ITIH4: variants seen among roughly 807,000 people sequenced by gnomAD.
ITIH4 encodes inter-alpha-trypsin inhibitor heavy chain 4, also known as inter-alpha-trypsin inhibitor heavy chain H4.
ITIH4 carries 79 observed loss-of-function variants against 111.8 expected under a neutral mutation model. The ratio of observed to expected loss-of-function variants is 0.71; its 90% CI spans 0.59 to 0.85. The LOEUF (loss-of-function observed/expected upper bound fraction) is 0.85, where lower values mean the gene tolerates loss of function less well. Ranked by LOEUF, ITIH4 falls within the 40% of genes least tolerant of loss-of-function variation. ITIH4 has a pLI of 0.00. For missense variants in ITIH4, 1,065 were observed against 1,195.8 expected, an observed-to-expected ratio of 0.89 and a Z score of 1.61; for synonymous variants, 472 against 468.3, an observed-to-expected ratio of 1.01 and a Z score of -0.10.
Position 52,824,458 on chromosome 3 carries a change from T to C in ITIH4, c.984A>G (p.Pro328=), listed in dbSNP as rs1325962213. 1 of 1,614,212 alleles carries C rather than the reference T, an allele frequency of 6.2e-7. No individual in the cohort carries two copies. Among genetic ancestry groups the C allele is most frequent in the Non-Finnish European group, 8.5e-7 (1 of 1,180,034 alleles). ...EATQWRPSLV[P]ASAENVNKAR... is the part of the protein sequence containing the mutation. ...CCTTGTTCACGTTCTCGGCTGAGGCTGGCACCAGTGATGGCCTCCACTGAG... is the reference window on the plus strand; with the variant it reads ...CCTTGTTCACGTTCTCGGCTGAGGCCGGCACCAGTGATGGCCTCCACTGAG... The change falls in exon 8 of 24, where the codon CCA becomes CCG. Residue 328 remains proline, a synonymous_variant. Transcript: ENST00000266041. This position sits in a 1 kb window ranked among gnomAD's most constrained non-coding sequence, Gnocchi z 4.3.
intron 23 of ITIH4, 118 bp from the exon 24 acceptor site, chr3:52,813,608 G>T: frequency 1.1e-6 from 1 of 900,864 alleles, no homozygotes; most frequent in Non-Finnish European, 1.8e-6. Context: ...CGTCCCTTTA[G>T]AATTCCCTCC....
In ITIH4 at chr3:52,819,769, C is replaced by T; in HGVS notation, c.1936G>A (p.Gly646Arg). 1 of 1,614,128 alleles carries T rather than the reference C, an allele frequency of 6.2e-7. No individual in the cohort carries two copies. The stretch of plus-strand genomic sequence containing the variant: ...CTCAAACTACCTTGTCTATTCCATC[C>T]TCTTCTTGGAGAAAAGGAAGCCTCT... ...KPEASFSPRR[G>R]WNRQAGAAGS... Residue 646 changes from glycine to arginine, a missense_variant, in exon 16 of 24, where the codon GGA becomes AGA. Transcript: ENST00000266041.
At chr3:52,816,590 A>T (rs1249098708) in intron 21 of ITIH4, among the ~76,000 whole-genome samples, 1 of 152,180 alleles carries the variant, frequency 6.6e-6, no homozygotes, top group African/African-American at 2.4e-5. Flanking sequence ...GAAGAAACTG[A>T]GGCTCAGAGG....
At chr3:52,815,658 G>A (rs1208080873) in intron 21 of ITIH4, among the ~76,000 whole-genome samples, 4 of 151,560 alleles carry the variant, frequency 2.6e-5, no homozygotes, top group Non-Finnish European at 5.9e-5. Flanking sequence ...TGATTTTGGT[G>A]AATCTACCAG....
intron 13 of ITIH4, 51 bp downstream of exon 13, chr3:52,820,580 T>A (rs1210486433): frequency 1.9e-6 from 3 of 1,561,424 alleles, no homozygotes; most frequent in African/African-American, 1.4e-5. Context: ...GGGAGAACGC[T>A]GGGTCCAAAC....
chr3:52,820,549 G>A (rs1235171045), intron 13 of ITIH4, 82 bp downstream of exon 13: 17 of 1,499,864 alleles, frequency 1.1e-5, no homozygotes, highest in Admixed American at 7.7e-5. Context: ...TGGGGTCTTG[G>A]TCAGGATGCA....
intron 23 of ITIH4, 70 bp downstream of exon 23, chr3:52,813,905 G>T (rs970761259): frequency 2.4e-6 from 3 of 1,236,254 alleles, no homozygotes; most frequent in African/African-American, 1.5e-5. Flanking sequence ...GCCCTGGAGA[G>T]CCTGGCTCCT....
chr3:52,818,753 T>G, intron 17 of ITIH4: 1 of 581,456 alleles, frequency 1.7e-6, no homozygotes. Flanking sequence ...GATTTGGGGA[T>G]CAGAAAACAG....
At chr3:52,813,674 G>A (rs993203518) in intron 23 of ITIH4, among the ~76,000 whole-genome samples, 184 bp from the exon 24 acceptor site, 1 of 152,222 alleles carries the variant, frequency 6.6e-6, no homozygotes, top group Admixed American at 6.5e-5. Context: ...AAGCCAGTAC[G>A]TGAGGTCTCC....
rs187417765 is a variant in ITIH4 at position 52,821,646 on chromosome 3, G to A, written c.1540-516C>T. 2.6e-5 allele frequency among the ~76,000 whole-genome samples: 4 copies of A among 151,980 alleles called. No homozygotes were observed. In the East Asian group the frequency reaches 7.8e-4, roughly 30 times the overall value. ...CCAACGGCTGTCCCTGTCCAAGCTG[G>A]CCCCTCTGCGGCTGGCCACCGTGGG... On this transcript the variant is annotated intron_variant, in intron 11 of 23. Transcript: ENST00000266041.
intron 19 of ITIH4, 27 bp downstream of exon 19, chr3:52,818,230 A>G: frequency 6.3e-7 from 1 of 1,581,218 alleles, no homozygotes; most frequent in Non-Finnish European, 8.6e-7. Flanking sequence ...AGGATGTGGA[A>G]AGGGGCCAAG....
At position 52,818,479 on chromosome 3, in the gene ITIH4, A is replaced by C; in HGVS notation, c.2135T>G (p.Met712Arg). ...GGGGGCACCTTCGATTTTCATATTC[A>C]TGACACGAGACACAGCTGGATCAGG... ...SNPDPAVSRVMNMKIEETTMT... is the reference protein window; with the variant it reads ...SNPDPAVSRVRNMKIEETTMT... Residue 712 changes from methionine to arginine, a missense_variant, in exon 18 of 24, where the codon ATG (methionine) becomes AGG (arginine). By Grantham distance (91) the Met-to-Arg change is moderately conservative (BLOSUM62 -1). Coordinates refer to ENST00000266041, the MANE Select transcript of ITIH4 (RefSeq NM_002218.5). 1 of 1,604,616 alleles carries C rather than the reference A, an allele frequency of 6.2e-7. No homozygotes were observed. The highest frequency in any genetic ancestry group is 8.5e-7 in the Non-Finnish European group (1 of 1,175,422).
intron 12 of ITIH4, 71 bp from the exon 13 acceptor site, chr3:52,820,856 T>G (rs1217873421): frequency 1.3e-5 from 20 of 1,557,656 alleles, no homozygotes; most frequent in Non-Finnish European, 1.7e-5. Flanking sequence ...CAGCCCCTTC[T>G]GGGGAGGTCC....
rs1700431653 is a variant in ITIH4, at chr3:52,823,641, AGG to A, written c.1452_1453del (p.Phe486GlnfsTer17). 2 of 1,614,188 alleles carry A rather than the reference AGG, an allele frequency of 1.2e-6. No individual in the cohort carries two copies. Among genetic ancestry groups the A allele is most frequent in the East Asian group, 4.5e-5 (2 of 44,878 alleles). ...CACCACCATCTCTGAGCCCTTGAAGAGGAGCCGGAAGTTGTTCTGAGTGACCT... is the reference window on the plus strand; with the variant it reads ...CACCACCATCTCTGAGCCCTTGAAGAAGCCGGAAGTTGTTCTGAGTGACCT... On this transcript the variant is annotated frameshift_variant, in exon 11 of 24. Transcript: ENST00000266041. LOFTEE classifies it high-confidence loss of function.
chr3:52,818,848 G>A, intron 17 of ITIH4: 1 of 421,616 alleles, frequency 2.4e-6, no homozygotes, highest in Non-Finnish European at 4.3e-6. Flanking sequence ...CTAGAGTATA[G>A]TGGATCCTAC....
intron 13 of ITIH4, 38 bp from the exon 14 acceptor site, chr3:52,820,355 A>G (rs1674262323): frequency 6.2e-7 from 1 of 1,602,976 alleles, no homozygotes; most frequent in African/African-American, 1.3e-5. Context: ...ACAGACAGAC[A>G]GAGACACAGA....
chr3:52,817,945 G>T, intron 20 of ITIH4, 107 bp downstream of exon 20: 1 of 847,822 alleles, frequency 1.2e-6, no homozygotes, highest in Non-Finnish European at 2.0e-6. Context: ...CTATGATCTG[G>T]GAGGGGCCTG....
chr3:52,819,727 T>G (rs1700343973), intron 16 of ITIH4, 27 bp downstream of exon 16: 1 of 1,610,700 alleles, frequency 6.2e-7, no homozygotes, highest in Non-Finnish European at 8.5e-7. Context: ...ATGTCATGCC[T>G]CCCCCTGGCA....
At position 52,819,746 on chromosome 3, in the gene ITIH4, C is replaced by T; in HGVS notation, c.1951+8G>A. 4 of 1,613,994 alleles carry T rather than the reference C, an allele frequency of 2.5e-6. No individual in the cohort carries two copies. Among genetic ancestry groups the T allele is most frequent in the Non-Finnish European group, 3.4e-6 (4 of 1,179,904 alleles). ...CATGCCTCCCCCTGGCAGAAACCCT[C>T]AAACTACCTTGTCTATTCCATCCTC... On this transcript the variant is annotated splice_region_variant and intron_variant, in intron 16 of 23. Coordinates refer to ENST00000266041, the MANE Select transcript of ITIH4 (RefSeq NM_002218.5).
Sources: allele counts gnomAD v4.1 joint callset (sites outside exome capture counted in the v4.1 genomes callset), GRCh38; gene constraint gnomAD v4.1.1; non-coding constraint Gnocchi (gnomAD v3.1); transcripts MANE v1.5; gene names NCBI Gene and HGNC (gene_info 2026-07-23, HGNC 2026-07-21).